The following DDX10 variants were observed in gnomAD, a reference collection of about 807,000 sequenced individuals.
DDX10 encodes probable ATP-dependent RNA helicase DDX10.
In DDX10, 74 loss-of-function variants were observed where a neutral mutation model predicts 104.3. The observed-to-expected ratio is 0.71, with a 90% CI of 0.59 to 0.86. The LOEUF (loss-of-function observed/expected upper bound fraction) is 0.86. DDX10 is among the 40% of genes least tolerant of loss of function. DDX10 has a pLI of 0.00. For missense variants in DDX10, 952 were observed against 1,040.0 expected, an observed-to-expected ratio of 0.92 and a Z score of 1.16; for synonymous variants, 351 against 353.4, an observed-to-expected ratio of 0.99 and a Z score of 0.08.
At chr11:108,807,246 C>A (rs1417891822) in intron 13 of DDX10, among the ~76,000 whole-genome samples, 1 of 152,156 alleles carries the variant, frequency 6.6e-6, no homozygotes, top group East Asian at 1.9e-4. Flanking sequence ...TAGTGGAAGT[C>A]ATTGAAGTGG....
chr11:108,825,717 C>G (rs959081096), intron 13 of DDX10, among the ~76,000 whole-genome samples: 2 of 152,090 alleles, frequency 1.3e-5, no homozygotes, highest in East Asian at 3.8e-4. Context: ...ATTCATTGAC[C>G]ATTTTCATCA....
chr11:108,822,411 T>C, intron 13 of DDX10: 1 of 399,764 alleles, frequency 2.5e-6, no homozygotes, highest in Non-Finnish European at 5.0e-6. Flanking sequence ...CAAAGATCAT[T>C]TTTGTTCCAG....
At chr11:108,884,748 A>G (rs1236870982) in intron 16 of DDX10, among the ~76,000 whole-genome samples, 2 of 152,188 alleles carry the variant, frequency 1.3e-5, no homozygotes, top group Admixed American at 1.3e-4. Flanking sequence ...AATTAAATAA[A>G]GTTTGCCATC....
chr11:108,795,277 ATTTTTTTT>A (rs559914594), intron 13 of DDX10, among the ~76,000 whole-genome samples: 1 of 131,238 alleles, frequency 7.6e-6, no homozygotes, highest in Non-Finnish European at 1.6e-5. Context: ...GGGCCTGGAA[ATTTTTTTT>A]TTTTTTTTTA....
At chr11:108,672,061 GGAAAAA>G in intron 1 of DDX10, among the ~76,000 whole-genome samples, 1 of 80,554 alleles carries the variant, frequency 1.2e-5, no homozygotes, top group East Asian at 3.4e-4. Context: ...ACTCCATCTC[GGAAAAA>G]AAAAAAAAAA....
intron 16 of DDX10, among the ~76,000 whole-genome samples, chr11:108,875,956 G>A (rs1431766599): frequency 6.6e-6 from 1 of 152,154 alleles, no homozygotes; most frequent in African/African-American, 2.4e-5. Context: ...AGGTCGTTAT[G>A]TACACTAGAG....
At chr11:108,878,790 GT>G (rs34268579) in intron 16 of DDX10, among the ~76,000 whole-genome samples, 12 of 150,024 alleles carry the variant, frequency 8.0e-5, no homozygotes, top group African/African-American at 2.9e-4. Context: ...TAACATAGTT[GT>G]TTTTTTTTTC....
At chr11:108,713,212 A>G (rs752862010) in intron 10 of DDX10, among the ~76,000 whole-genome samples, 4 of 151,792 alleles carry the variant, frequency 2.6e-5, no homozygotes, top group Non-Finnish European at 5.9e-5. Context: ...GAGCTCTTGG[A>G]TCTGTGGTTT....
rs1311629953 is a variant in DDX10, at chr11:108,723,391, G to A, written c.1894G>A (p.Asp632Asn). ...QFLDRDEEEE[D>N]ADFLKVKRHN... ...CTTGGACAGAGATGAGGAGGAAGAA[G>A]ATGCTGATTTCTTGAAGGTGAAGCG... The change falls in exon 13 of 18, where the codon GAT (aspartate) becomes AAT (asparagine). Residue 632 changes from aspartate to asparagine, a missense_variant. Physicochemically the swap from Asp to Asn is conservative, Grantham distance 23. This residue lies in a region of DDX10 where 533 missense variants were observed against 534.1 expected (regional missense o/e 1.00). Coordinates refer to ENST00000322536, the MANE Select transcript of DDX10 (RefSeq NM_004398.4). 1 of 1,613,842 alleles carries A rather than the reference G, an allele frequency of 6.2e-7. No individual in the cohort carries two copies.
intron 14 of DDX10, among the ~76,000 whole-genome samples, chr11:108,839,484 A>C (rs981716142): frequency 4.6e-5 from 7 of 152,218 alleles, no homozygotes; most frequent in African/African-American, 1.7e-4. Context: ...AAGGTACCTA[A>C]CATAATAAGC....
chr11:108,763,550 C>A (rs972998432), intron 13 of DDX10, among the ~76,000 whole-genome samples: 3 of 152,086 alleles, frequency 2.0e-5, no homozygotes, highest in African/African-American at 7.2e-5. Flanking sequence ...TAGCACCATG[C>A]TTTTTCCAGT....
At chr11:108,729,465 G>A (rs752138789) in intron 13 of DDX10, among the ~76,000 whole-genome samples, 2 of 152,088 alleles carry the variant, frequency 1.3e-5, no homozygotes, top group African/African-American at 2.4e-5. Flanking sequence ...CGTCTCACAA[G>A]TGCCTTTGAT....
rs755822472 is a variant in DDX10, at chr11:108,940,293, T to C, written c.2498T>C (p.Val833Ala). The C allele has an allele frequency of 6.2e-7, 1 of 1,614,004 alleles. No homozygotes were observed. The highest frequency in any genetic ancestry group is 1.7e-5 in the Admixed American group (1 of 60,014). ...ATGAAGAAGAGGAGCAACAGTGAAG[T>C]GGAAGACGTGGGACCAACAAGTCAT... ...QGMKKRSNSE[V>A]EDVGPTSHNR... The change falls in exon 18 of 18, where the codon GTG becomes GCG. Residue 833 changes from valine (V) to alanine (A), a missense_variant. Coordinates refer to ENST00000322536, the MANE Select transcript of DDX10 (RefSeq NM_004398.4).
In DDX10 at chr11:108,689,243, CTG is replaced by C. The variant is rs577781462; in HGVS notation, c.975+185_975+186del. On this transcript the variant is annotated intron_variant, in intron 7 of 17. Coordinates refer to ENST00000322536, the MANE Select transcript of DDX10 (RefSeq NM_004398.4). Reference sequence around the variant, plus strand: ...ACTTTCAACTCCACAAGGACAGAAACTGTGTCTTTTCTTAGGTATTATGTTAA... The same window carrying C: ...ACTTTCAACTCCACAAGGACAGAAACTGTCTTTTCTTAGGTATTATGTTAA... 5.9e-5 allele frequency among the ~76,000 whole-genome samples: 9 copies of C among 152,274 alleles called. No homozygotes were observed. In the South Asian group the frequency reaches 1.5e-3, roughly 25 times the overall value.
chr11:108,926,371 G>A (rs1310089508), intron 17 of DDX10, among the ~76,000 whole-genome samples: 2 of 152,130 alleles, frequency 1.3e-5, no homozygotes, highest in Non-Finnish European at 2.9e-5. Context: ...CCCAAATGGC[G>A]TTGTAGATAT....
intron 16 of DDX10, among the ~76,000 whole-genome samples, chr11:108,897,698 T>G (rs989544575): frequency 6.6e-6 from 1 of 151,982 alleles, no homozygotes; most frequent in African/African-American, 2.4e-5. Context: ...TTTTTTTTTT[T>G]AAGAGACAGT....
intron 16 of DDX10, among the ~76,000 whole-genome samples, chr11:108,906,785 G>C (rs1863602586): frequency 6.6e-6 from 1 of 152,204 alleles, no homozygotes; most frequent in Non-Finnish European, 1.5e-5. Flanking sequence ...TCAGTATCCT[G>C]TTGGGCTCTG....
At chr11:108,702,000 C>T (rs1156289572) in intron 9 of DDX10, among the ~76,000 whole-genome samples, 1 of 152,082 alleles carries the variant, frequency 6.6e-6, no homozygotes, top group Non-Finnish European at 1.5e-5. Flanking sequence ...GGAGTTTTAT[C>T]TGCTGAAACA....
At chr11:108,834,822 G>A (rs916586428) in intron 13 of DDX10, among the ~76,000 whole-genome samples, 5 of 149,038 alleles carry the variant, frequency 3.4e-5, no homozygotes, top group Admixed American at 6.7e-5. Flanking sequence ...CAGCTACTCC[G>A]GAGGCTGAGG....
Sources: allele counts gnomAD v4.1 joint callset (sites outside exome capture counted in the v4.1 genomes callset), GRCh38; gene constraint gnomAD v4.1.1; regional missense constraint gnomAD v4.1.1; transcripts MANE v1.5; gene names NCBI Gene and HGNC (gene_info 2026-07-23, HGNC 2026-07-21).